Variants in MSANTD3 observed in about 807,000 individuals in gnomAD.
The protein encoded by MSANTD3 is Myb/SANT DNA binding domain containing 3.
A neutral mutation model predicts 27.7 loss-of-function variants in MSANTD3; 11 were observed. That is an observed-to-expected ratio of 0.40 (90% CI 0.25 to 0.66). The LOEUF (loss-of-function observed/expected upper bound fraction) is 0.66, where lower values mean the gene tolerates loss of function less well. MSANTD3 is among the 30% of genes least tolerant of loss of function. The pLI, the probability that MSANTD3 is intolerant of heterozygous loss-of-function variation, is 0.41. For synonymous variants in MSANTD3, 131 were observed against 127.2 expected (o/e 1.03, Z -0.20); for missense variants, 250 against 336.5 (o/e 0.74, Z 2.01).
chr9:100,448,430 G>A, intron 2 of MSANTD3: 1 of 985,362 alleles, frequency 1.0e-6, no homozygotes, highest in Non-Finnish European at 1.2e-6. Flanking sequence ...GCTCTTTGCA[G>A]TTGAAACTCA....
intron 2 of MSANTD3, chr9:100,449,046 A>T: frequency 1.0e-6 from 1 of 985,268 alleles, no homozygotes; most frequent in Non-Finnish European, 1.2e-6. Flanking sequence ...AGAATAACGG[A>T]GTGGACGTAA....
chr9:100,442,833 A>G (rs1836661901), intron 2 of MSANTD3, among the ~76,000 whole-genome samples: 1 of 151,244 alleles, frequency 6.6e-6, no homozygotes, highest in Non-Finnish European at 1.5e-5. Flanking sequence ...AAAAAAAGTA[A>G]TATATAAAAA....
Position 100,450,778 on chromosome 9 carries a change from C to G in MSANTD3, c.640C>G (p.Gln214Glu). The change falls in exon 3 of 3, where the codon CAA (glutamine) becomes GAA (glutamate). Residue 214 changes from glutamine to glutamate, a missense_variant. Physicochemically the swap from Gln to Glu is conservative, Grantham distance 29 (BLOSUM62 2). Coordinates refer to ENST00000395067, the MANE Select transcript of MSANTD3 (RefSeq NM_080655.3). Reference protein sequence around the residue: ...QMSILQLQLIQMNEVHVAKIQ... With the variant: ...QMSILQLQLIEMNEVHVAKIQ... Reference sequence around the variant, plus strand: ...GTCCATCTTACAACTGCAACTGATACAAATGAATGAGGTGCATGTGGCCAA... The same window carrying G: ...GTCCATCTTACAACTGCAACTGATAGAAATGAATGAGGTGCATGTGGCCAA... 1 of 1,614,084 alleles carries G rather than the reference C, an allele frequency of 6.2e-7. No homozygotes were observed. Among genetic ancestry groups the G allele is most frequent in the Non-Finnish European group, 8.5e-7 (1 of 1,180,004 alleles).
At chr9:100,445,085 T>A in intron 2 of MSANTD3, 1 of 777,870 alleles carries the variant, frequency 1.3e-6, no homozygotes, top group South Asian at 1.6e-5. Context: ...AAAGGTAATC[T>A]GTTAATACTA....
chr9:100,448,338 G>C (rs950072941), intron 2 of MSANTD3: 4 of 984,946 alleles, frequency 4.1e-6, no homozygotes. Context: ...GAGACTAGAA[G>C]TACCACAAAA....
chr9:100,448,741 T>G, intron 2 of MSANTD3: 1 of 985,332 alleles, frequency 1.0e-6, no homozygotes, highest in Non-Finnish European at 1.2e-6. Flanking sequence ...CAGGAGGCAG[T>G]GGGAGCATGA....
intron 1 of MSANTD3, among the ~76,000 whole-genome samples, chr9:100,436,480 A>G (rs1376827218): frequency 6.6e-6 from 1 of 152,224 alleles, no homozygotes; most frequent in Non-Finnish European, 1.5e-5. Context: ...AATGGATCAT[A>G]TACTGTCTAG....
intron 1 of MSANTD3, among the ~76,000 whole-genome samples, chr9:100,439,339 T>C (rs2118212174): frequency 6.6e-6 from 1 of 152,294 alleles, no homozygotes; most frequent in Middle Eastern, 3.4e-3. Flanking sequence ...AAAATTAGTG[T>C]ACTGTAAACT....
At chr9:100,449,201 T>C (rs1470885435) in intron 2 of MSANTD3, 3 of 985,302 alleles carry the variant, frequency 3.0e-6, no homozygotes, top group East Asian at 1.1e-4. Flanking sequence ...GGTTTCCTTA[T>C]TGCAACTCCC....
rs1458067219 is a variant in MSANTD3 at position 100,451,057 on chromosome 9, A to G, written c.*91A>G. 5.4e-6 allele frequency: 7 copies of G among 1,302,568 alleles called. No homozygotes were observed. Among genetic ancestry groups the G allele is most frequent in the Non-Finnish European group, 7.4e-6 (7 of 948,614 alleles). The allele number at this position is 1,302,568 out of a possible 1,614,324, so 80.7% of individuals were successfully genotyped here. ...GCGGTCAGTAACCTGTAACAGAGCT[A>G]CAACTAGGAAAATTAGAGTGGTAGT... On this transcript the variant is annotated 3_prime_UTR_variant, in exon 3 of 3. Transcript: ENST00000395067.
At position 100,442,028 on chromosome 9, in the gene MSANTD3, T is replaced by C. The variant is rs773752198; in HGVS notation, c.90T>C (p.Tyr30=). 5 of 1,614,212 alleles carry C rather than the reference T, an allele frequency of 3.1e-6. No individual in the cohort carries two copies. Among genetic ancestry groups the C allele is most frequent in the African/African-American group, 2.7e-5 (2 of 75,048 alleles). ...TGGCTTTAGTAGAAAAGTATAAATA[T>C]GTGCTGGAATGTAAGAAAAGTGATG... The part of the protein sequence containing the change: ...ILLALVEKYK[Y]VLECKKSDAR... Residue 30 remains tyrosine, a synonymous_variant, in exon 2 of 3, where the codon TAT becomes TAC. Coordinates refer to ENST00000395067, the MANE Select transcript of MSANTD3 (RefSeq NM_080655.3).
intron 1 of MSANTD3, among the ~76,000 whole-genome samples, chr9:100,431,973 G>A (rs771769403): frequency 6.6e-5 from 10 of 152,114 alleles, no homozygotes; most frequent in Non-Finnish European, 1.3e-4. Context: ...GGAAGCCGTG[G>A]GTGGGGATGG....
chr9:100,436,539 A>C (rs1317252726), intron 1 of MSANTD3, among the ~76,000 whole-genome samples: 1 of 152,198 alleles, frequency 6.6e-6, no homozygotes, highest in Non-Finnish European at 1.5e-5. Flanking sequence ...AATTGGGGAC[A>C]GGGAAGTCCA....
chr9:100,434,422 T>A (rs556992824), intron 1 of MSANTD3, among the ~76,000 whole-genome samples: 28 of 152,050 alleles, frequency 1.8e-4, no homozygotes, highest in Admixed American at 5.9e-4. Flanking sequence ...CCTAGCTACT[T>A]GGGAAGCTGA....
At chr9:100,430,223 T>C (rs996886350) in intron 1 of MSANTD3, among the ~76,000 whole-genome samples, 3 of 150,780 alleles carry the variant, frequency 2.0e-5, no homozygotes, top group Non-Finnish European at 4.4e-5. Flanking sequence ...GAGGAAGGCT[T>C]AACAAAAATT....
intron 2 of MSANTD3, among the ~76,000 whole-genome samples, chr9:100,448,008 T>C (rs1836796026): frequency 6.6e-6 from 1 of 151,912 alleles, no homozygotes; most frequent in African/African-American, 2.4e-5. Context: ...CTGGGCAACA[T>C]GGTGAAACCC....
chr9:100,435,124 A>G (rs1367864231), intron 1 of MSANTD3, among the ~76,000 whole-genome samples: 2 of 152,110 alleles, frequency 1.3e-5, no homozygotes, highest in East Asian at 3.9e-4. Flanking sequence ...GCGCAGAGGG[A>G]ATGAGGCAGG....
intron 1 of MSANTD3, among the ~76,000 whole-genome samples, chr9:100,439,502 ATT>A (rs963153066): frequency 2.1e-5 from 3 of 144,450 alleles, no homozygotes; most frequent in African/African-American, 7.6e-5. Flanking sequence ...TTGGTTCCTA[ATT>A]TTTTTTTTTT....
intron 1 of MSANTD3, among the ~76,000 whole-genome samples, chr9:100,433,536 G>A (rs1836415718): frequency 1.3e-5 from 2 of 152,030 alleles, no homozygotes; most frequent in South Asian, 4.2e-4. Flanking sequence ...TGCCTGGCTA[G>A]TACTTTTAAT....
Sources: allele counts gnomAD v4.1 joint callset (sites outside exome capture counted in the v4.1 genomes callset), GRCh38; gene constraint gnomAD v4.1.1; transcripts MANE v1.5; gene names NCBI Gene and HGNC (gene_info 2026-07-23, HGNC 2026-07-21).